EDC3: variants seen among roughly 807,000 people sequenced by gnomAD.
The protein encoded by EDC3 is enhancer of mRNA-decapping protein 3.
EDC3 carries 20 observed loss-of-function variants against 41.8 expected under a neutral mutation model. The observed-to-expected ratio is 0.48, with a 90% CI of 0.34 to 0.70. EDC3 has a LOEUF of 0.70. Ranked by LOEUF, EDC3 falls within the 30% of genes least tolerant of loss-of-function variation. The pLI, the probability that EDC3 is intolerant of heterozygous loss-of-function variation, is 0.01. For missense variants in EDC3, 444 were observed against 636.8 expected (o/e 0.70, Z 3.26); for synonymous variants, 206 against 243.2 (o/e 0.85, Z 1.42).
chr15:74,646,171 C>T lies in EDC3; in HGVS notation c.821-5552G>A, dbSNP rs147115157. 2.7e-3 allele frequency among the ~76,000 whole-genome samples: 401 copies of T among 150,192 alleles called. 1 individual carries two copies. The highest frequency in any genetic ancestry group is 9.4e-3 in the African/African-American group (383 of 40,834). ...CACTGCAACCTCCGCCTCCCGGGTT[C>T]AAGTGATTCTCCTGCCTCAGCCTCC... On this transcript the variant is annotated intron_variant, in intron 4 of 6. Transcript: ENST00000315127.
intron 1 of EDC3, among the ~76,000 whole-genome samples, chr15:74,682,915 G>A (rs576695035): frequency 5.3e-5 from 8 of 152,210 alleles, no homozygotes; most frequent in Middle Eastern, 3.4e-3. Context: ...CCAGCTACTC[G>A]GGAGGCTGAG....
chr15:74,691,959 G>T (rs533990089), intron 1 of EDC3, among the ~76,000 whole-genome samples: 6 of 152,138 alleles, frequency 3.9e-5, no homozygotes, highest in African/African-American at 1.4e-4. Context: ...TGGGACTACA[G>T]GCGCCCACCA....
intron 1 of EDC3, among the ~76,000 whole-genome samples, chr15:74,676,702 G>A (rs746782958): frequency 1.3e-5 from 2 of 152,096 alleles, no homozygotes; most frequent in African/African-American, 4.8e-5. Context: ...CACAAATTAG[G>A]AGAAAATATT....
At position 74,674,916 on chromosome 15, in the gene EDC3, A is replaced by G. The variant is rs1377579664; in HGVS notation, c.164+45T>C. The G allele has an allele frequency of 2.5e-6, 4 of 1,610,192 alleles. No homozygotes were observed. The African/African-American group carries it at 4.0e-5, about 16-fold the overall frequency. ...GCAATCAGACCTAGGTTCAAGCTCCACAGACCACCAGGTTGGATTCAGAAG... is the reference window on the plus strand; with the variant it reads ...GCAATCAGACCTAGGTTCAAGCTCCGCAGACCACCAGGTTGGATTCAGAAG... On this transcript the variant is annotated intron_variant, in intron 2 of 6. Coordinates refer to ENST00000315127, the MANE Select transcript of EDC3 (RefSeq NM_025083.5).
At chr15:74,653,325 CT>C (rs1567162828) in intron 4 of EDC3, among the ~76,000 whole-genome samples, 1 of 152,048 alleles carries the variant, frequency 6.6e-6, no homozygotes, top group Admixed American at 6.6e-5. Context: ...TCTAGTTTGC[CT>C]TTTTTGATCC....
chr15:74,690,684 G>C (rs1596337442), intron 1 of EDC3, among the ~76,000 whole-genome samples: 1 of 152,282 alleles, frequency 6.6e-6, no homozygotes, highest in Non-Finnish European at 1.5e-5. Context: ...TGATGGCTCA[G>C]GCCCTACATC....
In EDC3 at chr15:74,671,832, C is replaced by T; in HGVS notation, c.165-58G>A. On this transcript the variant is annotated intron_variant, in intron 2 of 6. Coordinates refer to ENST00000315127, the MANE Select transcript of EDC3 (RefSeq NM_025083.5). The surrounding 1 kb of genome is among the most constrained non-coding windows in gnomAD (Gnocchi z 4.6). ...TATAATAGTGGTAAGAATGATGAAA[C>T]TGAGATCATTAGCAAACAGCTACCC... 3.9e-6 allele frequency: 6 copies of T among 1,528,446 alleles called. No homozygotes were observed. The allele number at this position is 1,528,446 out of a possible 1,614,324, so 94.7% of individuals were successfully genotyped here. A position where few individuals can be genotyped will look rare whatever the true frequency, so the allele number is the denominator to read the frequency against.
intron 4 of EDC3, among the ~76,000 whole-genome samples, chr15:74,650,104 A>G (rs1405722856): frequency 1.3e-5 from 2 of 152,154 alleles, no homozygotes; most frequent in Non-Finnish European, 2.9e-5. Context: ...CATCATGAGC[A>G]TGACTGGTCC....
intron 4 of EDC3, among the ~76,000 whole-genome samples, chr15:74,651,970 C>A (rs1283414201): frequency 2.0e-5 from 3 of 152,242 alleles, no homozygotes; most frequent in African/African-American, 7.2e-5. Flanking sequence ...AAACAGTACA[C>A]TGTAGAATAC....
chr15:74,679,259 T>G (rs903700832), intron 1 of EDC3, among the ~76,000 whole-genome samples: 4 of 151,946 alleles, frequency 2.6e-5, no homozygotes, highest in African/African-American at 9.7e-5. Context: ...CTAGTATAAC[T>G]CTGACGTGAA....
At chr15:74,672,671 C>T (rs1342819709) in intron 2 of EDC3, among the ~76,000 whole-genome samples, 1 of 152,022 alleles carries the variant, frequency 6.6e-6, no homozygotes, top group Non-Finnish European at 1.5e-5. Flanking sequence ...AATGATTAGT[C>T]GGGTGTGGTG....
At chr15:74,635,758 G>A in intron 5 of EDC3, 132 bp from the exon 6 acceptor site, 2 of 855,168 alleles carry the variant, frequency 2.3e-6, no homozygotes, top group South Asian at 1.8e-5. Flanking sequence ...CCAGGCTCCA[G>A]AGGGGGACAA....
At chr15:74,650,563 A>G (rs1333999878) in intron 4 of EDC3, among the ~76,000 whole-genome samples, 1 of 152,218 alleles carries the variant, frequency 6.6e-6, no homozygotes. Context: ...GACTCTGGGC[A>G]TATATGGAAT....
chr15:74,674,869 G>A, intron 2 of EDC3, 92 bp downstream of exon 2: 1 of 1,436,568 alleles, frequency 7.0e-7, no homozygotes, highest in Non-Finnish European at 9.7e-7. Context: ...ACAAAAAGCG[G>A]CCATATGCCA....
chr15:74,686,308 A>G (rs2062936789), intron 1 of EDC3, among the ~76,000 whole-genome samples: 1 of 150,792 alleles, frequency 6.6e-6, no homozygotes, highest in South Asian at 2.1e-4. Flanking sequence ...CTGGGCAACG[A>G]GAACAAGACT....
At chr15:74,644,395 A>T (rs2062388728) in intron 4 of EDC3, 1 of 152,188 alleles carries the variant, frequency 6.6e-6, no homozygotes, top group South Asian at 2.1e-4. Context: ...AGGTGTCAGC[A>T]CGCTGCTTAC....
At chr15:74,674,811 T>C (rs1418181751) in intron 2 of EDC3, 150 bp downstream of exon 2, 6 of 896,470 alleles carry the variant, frequency 6.7e-6, no homozygotes, top group Non-Finnish European at 1.7e-6. Context: ...GGCCAGTAGT[T>C]CGAGACCAGC....
intron 3 of EDC3, among the ~76,000 whole-genome samples, chr15:74,665,649 C>T (rs188167942): frequency 2.0e-5 from 3 of 152,272 alleles, no homozygotes; most frequent in African/African-American, 7.2e-5. Flanking sequence ...CCCACTCCCA[C>T]CCGAAAAGAG....
chr15:74,671,210 T>C lies in EDC3; in HGVS notation c.484+245A>G, dbSNP rs1036751205. On this transcript the variant is annotated intron_variant, in intron 3 of 6. Coordinates refer to ENST00000315127, the MANE Select transcript of EDC3 (RefSeq NM_025083.5). The surrounding 1 kb of genome is among the most constrained non-coding windows in gnomAD (Gnocchi z 4.6). ...CACTGTTAGTAAACTCTGGGCAGAC[T>C]TTTCCTGAAGGAAGTGGTAAGAGAG... Among the ~76,000 whole-genome samples, 1 of 152,092 alleles carries C rather than the reference T, an allele frequency of 6.6e-6. No individual in the cohort carries two copies. Among genetic ancestry groups the C allele is most frequent in the African/African-American group, 2.4e-5 (1 of 41,424 alleles).
Sources: gnomAD v4.1 joint callset for allele counts (sites outside exome capture counted in the v4.1 genomes callset) on GRCh38, gnomAD v4.1.1 for gene constraint, Gnocchi (gnomAD v3.1) non-coding constraint, MANE v1.5 for transcripts, NCBI Gene and HGNC (gene_info 2026-07-23, HGNC 2026-07-21) for gene names.